Variants in ACADM observed in about 807,000 individuals in gnomAD.
ACADM encodes the protein medium-chain specific acyl-CoA dehydrogenase, mitochondrial.
Under a neutral mutation model 58.9 loss-of-function variants are expected in ACADM, and 49 were observed. The observed-to-expected ratio is 0.83, with a 90% CI of 0.66 to 1.06. ACADM has a LOEUF of 1.06. Among genes scored for constraint, ACADM ranks in the 50% least tolerant of loss-of-function variants. The pLI is 0.00. For synonymous variants in ACADM, 160 were observed against 157.7 expected, an observed-to-expected ratio of 1.01 and a Z score of -0.11; for missense variants, 496 against 507.0, an observed-to-expected ratio of 0.98 and a Z score of 0.21.
chr1:75,760,515 A>T (rs182345218), intron 10 of ACADM, among the ~76,000 whole-genome samples: 3 of 129,564 alleles, frequency 2.3e-5, no homozygotes, highest in Admixed American at 1.9e-4. Context: ...ATTGCATTCC[A>T]GCCTGGAAAA....
At position 75,725,005 on chromosome 1, in the gene ACADM, C is replaced by A. The variant is rs1251074; in HGVS notation, c.30+188C>A. 0.076 allele frequency among the ~76,000 whole-genome samples: 11,619 copies of A among 152,182 alleles called. 1,475 individuals carry two copies. Among genetic ancestry groups the A allele is most frequent in the African/African-American group, 0.26 (10,986 of 41,462 alleles). On this transcript the variant is annotated intron_variant, in intron 1 of 11. Coordinates refer to ENST00000370841, the MANE Select transcript of ACADM (RefSeq NM_000016.6). ...CCGGACGGAACGTAGCCTAGCGTTT[C>A]ATTTTCCGTATCCTCCCGTCAGGCG... is the stretch of plus-strand genomic sequence containing the variant.
At chr1:75,732,948 C>G in intron 4 of ACADM, 26 bp downstream of exon 4, 1 of 1,612,746 alleles carries the variant, frequency 6.2e-7, no homozygotes, top group Non-Finnish European at 8.5e-7. Context: ...ATTTTTAATA[C>G]TGGAATGCAT....
In ACADM at chr1:75,756,848, G is replaced by A. The variant is rs1648535208; in HGVS notation, c.946-4274G>A. 3.9e-5 allele frequency among the ~76,000 whole-genome samples: 6 copies of A among 152,098 alleles called. No individual in the cohort carries two copies. In the South Asian group the frequency reaches 1.2e-3, roughly 32 times the overall value. On this transcript the variant is annotated intron_variant, in intron 10 of 11. Coordinates refer to ENST00000370841, the MANE Select transcript of ACADM (RefSeq NM_000016.6). ...CAGTAACCAAAACAGCATGGTACTG[G>A]TACCAAAACAGATATATAGACAAAT...
At position 75,728,593 on chromosome 1, in the gene ACADM, A is replaced by G. The variant is rs933400092; in HGVS notation, c.118+105A>G. ...ATAAACTTAATAATGTCTTTCAATG[A>G]GTAGAACCAGTCCACTGTCCACAGA... On this transcript the variant is annotated intron_variant, in intron 2 of 11. Transcript: ENST00000370841. 34 of 805,662 alleles carry G rather than the reference A, an allele frequency of 4.2e-5. 1 individual carries two copies. The South Asian group carries it at 4.7e-4, about 11-fold the overall frequency. The allele number at this position is 805,662 out of a possible 1,614,324, so 49.9% of individuals were successfully genotyped here.
chr1:75,750,234 T>G (rs1648126303), intron 9 of ACADM, among the ~76,000 whole-genome samples: 1 of 152,144 alleles, frequency 6.6e-6, no homozygotes. Context: ...AAGCAATGAC[T>G]TTTTTCTAGA....
chr1:75,744,027 A>G, intron 7 of ACADM: 1 of 1,580,006 alleles, frequency 6.3e-7, no homozygotes, highest in Non-Finnish European at 8.7e-7. Context: ...TCTCATTAAA[A>G]ATTGTCAGCA....
In ACADM at chr1:75,753,795, C is replaced by CTTTTTTTTTTTTTTTTTT. The variant is rs71071962; in HGVS notation, c.945+3251_945+3268dup. Among the ~76,000 whole-genome samples, 74 of 81,904 alleles carry CTTTTTTTTTTTTTTTTTT rather than the reference C, an allele frequency of 9.0e-4. 10 individuals are homozygous for CTTTTTTTTTTTTTTTTTT. The highest frequency in any genetic ancestry group is 2.4e-3 in the African/African-American group (40 of 16,468). The allele number at this position is 81,904 out of a possible 152,430, so 53.7% of individuals were successfully genotyped here. On this transcript the variant is annotated intron_variant, in intron 10 of 11. Coordinates refer to ENST00000370841, the MANE Select transcript of ACADM (RefSeq NM_000016.6). ...GCACTCTGCAAAATGCTGATAGCTT[C>CTTTTTTTTTTTTTTTTTT]TTTTTTTTTTTTTTTTTTTGAGACA...
In ACADM at chr1:75,755,600, G is replaced by A. The variant is rs141677326; in HGVS notation, c.945+5054G>A. ...CAGAAAGGACATTCACACCAAAACC[G>A]CATCTGTACGTCACCATCACCAAAG... is the stretch of plus-strand genomic sequence containing the variant. On this transcript the variant is annotated intron_variant, in intron 10 of 11. Coordinates refer to ENST00000370841, the MANE Select transcript of ACADM (RefSeq NM_000016.6). Among the ~76,000 whole-genome samples the A allele has an allele frequency of 2.4e-3, 368 of 152,224 alleles. 3 individuals carry two copies. Among genetic ancestry groups the A allele is most frequent in the African/African-American group, 8.5e-3 (353 of 41,536 alleles).
At position 75,762,974 on chromosome 1, in the gene ACADM, A is replaced by T; in HGVS notation, c.*211A>T. On this transcript the variant is annotated 3_prime_UTR_variant, in exon 12 of 12. Transcript: ENST00000370841. ...TTTATTAAAATGATGTGTTTTCTTTAGTACCACTTTACTTGAATTACATTA... is the reference window on the plus strand; with the variant it reads ...TTTATTAAAATGATGTGTTTTCTTTTGTACCACTTTACTTGAATTACATTA... 2.4e-6 allele frequency: 1 copy of T among 411,560 alleles called. No homozygotes were observed. Among genetic ancestry groups the T allele is most frequent in the Non-Finnish European group, 4.4e-6 (1 of 226,392 alleles). 25.5% of individuals were successfully genotyped at this position (411,560 alleles called of 1,614,324 possible). A position where few individuals can be genotyped will look rare whatever the true frequency, so the allele number is the denominator to read the frequency against.
Position 75,733,080 on chromosome 1 carries a change from T to C in ACADM, c.286+158T>C, listed in dbSNP as rs536299764. On this transcript the variant is annotated intron_variant, in intron 4 of 11. Transcript: ENST00000370841. ...CAGTGTTTGCCCACTTTTGGAAGCTTGCACTCTATACCTAGATGCGTTTTT... is the reference window on the plus strand; with the variant it reads ...CAGTGTTTGCCCACTTTTGGAAGCTCGCACTCTATACCTAGATGCGTTTTT... The C allele has an allele frequency of 9.9e-6, 16 of 1,613,148 alleles. No individual in the cohort carries two copies. In the African/African-American group the frequency reaches 2.0e-4, roughly 20 times the overall value.
At chr1:75,749,712 C>CTT (rs35897798) in intron 9 of ACADM, among the ~76,000 whole-genome samples, 153 bp downstream of exon 9, 36 of 118,130 alleles carry the variant, frequency 3.0e-4, no homozygotes, top group East Asian at 1.1e-3. Context: ...ACTTTTCTTT[C>CTT]TTTTTTTTTT....
Position 75,762,853 on chromosome 1 carries a change from G to A in ACADM, c.*90G>A, listed in dbSNP as rs1422928572. 22 of 777,662 alleles carry A rather than the reference G, an allele frequency of 2.8e-5. No individual in the cohort carries two copies. The highest frequency in any genetic ancestry group is 1.1e-5 in the Non-Finnish European group (5 of 463,562). 48.2% of individuals were successfully genotyped at this position (777,662 alleles called of 1,614,324 possible). A position where few individuals can be genotyped will look rare whatever the true frequency, so the allele number is the denominator to read the frequency against. Reference sequence around the variant, plus strand: ...AAAGGGCTTTAACGTTTTTTCCAGTGAAAACAAATCCTCTTATATTAAATC... The same window carrying A: ...AAAGGGCTTTAACGTTTTTTCCAGTAAAAACAAATCCTCTTATATTAAATC... On this transcript the variant is annotated 3_prime_UTR_variant, in exon 12 of 12. Transcript: ENST00000370841.
intron 4 of ACADM, 117 bp downstream of exon 4, chr1:75,733,039 C>T: frequency 6.2e-7 from 1 of 1,613,300 alleles, no homozygotes; most frequent in East Asian, 2.2e-5. Flanking sequence ...CTACCTTTGT[C>T]TTCCTGCTCA....
At chr1:75,743,674 G>T in intron 7 of ACADM, 1 of 1,460,254 alleles carries the variant, frequency 6.8e-7, no homozygotes, top group Non-Finnish European at 9.6e-7. Context: ...AATGGTGAAG[G>T]TACCACCATC....
At chr1:75,725,982 A>G (rs1647048941) in intron 1 of ACADM, among the ~76,000 whole-genome samples, 1 of 152,168 alleles carries the variant, frequency 6.6e-6, no homozygotes, top group South Asian at 2.1e-4. Context: ...CTCTCTAATT[A>G]ACTGGCTAAC....
chr1:75,742,837 G>A (rs1170075071), intron 7 of ACADM, among the ~76,000 whole-genome samples: 1 of 152,182 alleles, frequency 6.6e-6, no homozygotes, highest in Non-Finnish European at 1.5e-5. Context: ...CCCCTGGCCT[G>A]TGCTTCCTGG....
rs568909367 is a variant in ACADM at position 75,755,737 on chromosome 1, C to T, written c.945+5191C>T. Among the ~76,000 whole-genome samples, 35 of 152,328 alleles carry T rather than the reference C, an allele frequency of 2.3e-4. 1 individual carries two copies. Among genetic ancestry groups the T allele is most frequent in the African/African-American group, 8.4e-4 (35 of 41,578 alleles). On this transcript the variant is annotated intron_variant, in intron 10 of 11. Coordinates refer to ENST00000370841, the MANE Select transcript of ACADM (RefSeq NM_000016.6). ...CCAAAGGAATGCAGCTCCTCGCCAG[C>T]AACGGAAGAAAGCTGGATGGAGAAT...
chr1:75,751,318 C>T (rs933989122), intron 10 of ACADM, among the ~76,000 whole-genome samples: 2 of 151,406 alleles, frequency 1.3e-5, no homozygotes, highest in Admixed American at 6.6e-5. Context: ...CCAGCCTGGG[C>T]GACAGAGTGA....
In ACADM at chr1:75,728,455, C is replaced by G; in HGVS notation, c.85C>G (p.Arg29Gly). 1.2e-6 allele frequency: 2 copies of G among 1,613,406 alleles called. No individual in the cohort carries two copies. Among genetic ancestry groups the G allele is most frequent in the Non-Finnish European group, 8.5e-7 (1 of 1,179,600 alleles). ...GAGATCACAGCATACAAAAGCCAAT[C>G]GACAACGTGAACCAGGATTAGGATT... is the stretch of plus-strand genomic sequence containing the variant. ...HWRSQHTKAN[R>G]QREPGLGFSF... is the part of the protein sequence containing the mutation. The change falls in exon 2 of 12, where the codon CGA (arginine) becomes GGA (glycine). Residue 29 changes from arginine to glycine, a missense_variant. By Grantham distance (125) the Arg-to-Gly change is moderately radical. Transcript: ENST00000370841.
Sources: allele counts gnomAD v4.1 joint callset (sites outside exome capture counted in the v4.1 genomes callset), GRCh38; gene constraint gnomAD v4.1.1; transcripts MANE v1.5; gene names NCBI Gene and HGNC (gene_info 2026-07-23, HGNC 2026-07-21).